Variants in ANO4 observed in about 807,000 individuals in gnomAD.
The protein encoded by ANO4 is anoctamin-4.
Under a neutral mutation model 141.9 loss-of-function variants are expected in ANO4, and 69 were observed. That is an observed-to-expected ratio of 0.49 (90% CI 0.40 to 0.59). The LOEUF is 0.59. Ranked by LOEUF, ANO4 falls within the 20% of genes least tolerant of loss-of-function variation. The pLI is 0.00. For synonymous variants in ANO4, 350 were observed against 394.3 expected (o/e 0.89, Z 1.33); for missense variants, 894 against 1,162.2 (o/e 0.77, Z 3.36).
intron 8 of ANO4, among the ~76,000 whole-genome samples, chr12:101,015,410 G>C (rs1407448391): frequency 1.4e-5 from 2 of 142,744 alleles, no homozygotes; most frequent in Non-Finnish European, 3.1e-5. Context: ...TCCTGTCTTG[G>C]AGATTTTTTT....
At chr12:100,727,174 T>C (rs2031170666) in intron 1 of ANO4, among the ~76,000 whole-genome samples, 1 of 152,232 alleles carries the variant, frequency 6.6e-6, no homozygotes, top group South Asian at 2.1e-4. Context: ...TCAGTAACTG[T>C]CCATTAAATT....
intron 3 of ANO4, among the ~76,000 whole-genome samples, chr12:100,740,577 G>T (rs557573086): frequency 6.6e-6 from 1 of 151,830 alleles, no homozygotes; most frequent in African/African-American, 2.4e-5. Context: ...GACTAAACTC[G>T]TGTATTCAAA....
chr12:100,991,513 T>TAAAAAAA (rs59975425), intron 8 of ANO4, among the ~76,000 whole-genome samples: 4 of 111,146 alleles, frequency 3.6e-5, no homozygotes, highest in African/African-American at 6.8e-5. Flanking sequence ...ATGAAAATAG[T>TAAAAAAA]AAAAAAAAAA....
rs142559008 is a variant in ANO4 at position 100,851,731 on chromosome 12, G to C, written c.-140-49915G>C. 6.6e-5 allele frequency among the ~76,000 whole-genome samples: 10 copies of C among 152,266 alleles called. No individual in the cohort carries two copies. The East Asian group carries it at 1.4e-3, about 21-fold the overall frequency. On this transcript the variant is annotated intron_variant, in intron 1 of 27. Coordinates refer to ENST00000392977, the MANE Select transcript of ANO4 (RefSeq NM_001286615.2). Reference sequence around the variant, plus strand: ...CAGAGAAGCAAAGTGAATCAAGTAGGGGGTATGTGAAGTGTGGGCTGTGAA... The same window carrying C: ...CAGAGAAGCAAAGTGAATCAAGTAGCGGGTATGTGAAGTGTGGGCTGTGAA...
intron 1 of ANO4, among the ~76,000 whole-genome samples, chr12:100,893,062 G>A (rs1337555219): frequency 6.6e-6 from 1 of 152,142 alleles, no homozygotes; most frequent in Non-Finnish European, 1.5e-5. Flanking sequence ...GTGTAGTTAT[G>A]TACCAGGTGC....
chr12:100,879,819 G>A (rs1436454533), intron 1 of ANO4, among the ~76,000 whole-genome samples: 2 of 152,128 alleles, frequency 1.3e-5, no homozygotes, highest in African/African-American at 4.8e-5. Flanking sequence ...CATTCCAGAG[G>A]AGTAGTTTTA....
intron 2 of ANO4, among the ~76,000 whole-genome samples, chr12:100,918,718 T>C (rs561015170): frequency 6.6e-6 from 1 of 152,332 alleles, no homozygotes; most frequent in African/African-American, 2.4e-5. Context: ...TTATTTACAG[T>C]ATATAATACT....
chr12:100,857,575 A>G (rs1336783966), intron 1 of ANO4, among the ~76,000 whole-genome samples: 1 of 152,134 alleles, frequency 6.6e-6, no homozygotes, highest in Non-Finnish European at 1.5e-5. Context: ...ACTCCAGGCC[A>G]TATTGCCTCC....
At chr12:100,897,506 G>A (rs984324917) in intron 1 of ANO4, among the ~76,000 whole-genome samples, 1 of 152,232 alleles carries the variant, frequency 6.6e-6, no homozygotes, top group African/African-American at 2.4e-5. Context: ...AGGGACTGAA[G>A]GGGCATCATC....
At chr12:100,968,839 G>A (rs966733595) in intron 5 of ANO4, among the ~76,000 whole-genome samples, 8 of 152,084 alleles carry the variant, frequency 5.3e-5, no homozygotes, top group African/African-American at 1.9e-4. Context: ...AGGACTGACT[G>A]TGTGTGTGTG....
chr12:101,055,780 A>G (rs549303561), intron 14 of ANO4, among the ~76,000 whole-genome samples: 1 of 152,296 alleles, frequency 6.6e-6, no homozygotes, highest in Admixed American at 6.5e-5. Flanking sequence ...TGTCTTCTAA[A>G]AAGCTTATCG....
intron 9 of ANO4, among the ~76,000 whole-genome samples, chr12:101,020,607 C>G (rs1355972178): frequency 6.6e-6 from 1 of 152,172 alleles, no homozygotes; most frequent in Non-Finnish European, 1.5e-5. Flanking sequence ...GAAATTTGAA[C>G]TGAGACCTGA....
chr12:100,865,360 C>G (rs2135905621), intron 1 of ANO4, among the ~76,000 whole-genome samples: 1 of 152,276 alleles, frequency 6.6e-6, no homozygotes, highest in Middle Eastern at 3.4e-3. Context: ...AAACTATCAT[C>G]AGAGTGAGCA....
intron 8 of ANO4, among the ~76,000 whole-genome samples, chr12:101,004,302 G>A (rs913718907): frequency 6.6e-6 from 1 of 152,070 alleles, no homozygotes; most frequent in African/African-American, 2.4e-5. Flanking sequence ...GAGGCCCTGT[G>A]GAGCTGAGCC....
chr12:100,782,263 A>G (rs1398634418), intron 3 of ANO4, among the ~76,000 whole-genome samples: 1 of 152,148 alleles, frequency 6.6e-6, no homozygotes, highest in Non-Finnish European at 1.5e-5. Context: ...ACAATCATCT[A>G]ATCTCTATCC....
intron 3 of ANO4, among the ~76,000 whole-genome samples, chr12:100,928,733 G>A (rs1195535763): frequency 6.6e-6 from 1 of 152,166 alleles, no homozygotes; most frequent in Non-Finnish European, 1.5e-5. Context: ...TCCCAGGGCT[G>A]TAAGAAGTGC....
At chr12:100,800,338 TC>T (rs1193100251) in intron 1 of ANO4, among the ~76,000 whole-genome samples, 3 of 152,190 alleles carry the variant, frequency 2.0e-5, no homozygotes, top group Admixed American at 1.3e-4. Context: ...GCCAGACACA[TC>T]CACTCCTCTT....
chr12:100,899,579 A>C (rs1447038179), intron 1 of ANO4, among the ~76,000 whole-genome samples: 1 of 152,196 alleles, frequency 6.6e-6, no homozygotes, highest in Non-Finnish European at 1.5e-5. Flanking sequence ...TTCCTGGCTT[A>C]ACAAGCCCTA....
Position 101,110,368 on chromosome 12 carries a change from A to G in ANO4, c.2150-36A>G, listed in dbSNP as rs371900426. On this transcript the variant is annotated intron_variant, in intron 22 of 27. Coordinates refer to ENST00000392977, the MANE Select transcript of ANO4 (RefSeq NM_001286615.2). ...CCTTTGAAAATAGTAATGGAAAACC[A>G]ATACTCTCTGCTCTTTTTCCTTTTT... 5.8e-6 allele frequency: 9 copies of G among 1,562,148 alleles called. No homozygotes were observed. The African/African-American group carries it at 1.1e-4, about 19-fold the overall frequency.
Sources: allele counts gnomAD v4.1 joint callset (sites outside exome capture counted in the v4.1 genomes callset), GRCh38; gene constraint gnomAD v4.1.1; transcripts MANE v1.5; gene names NCBI Gene and HGNC (gene_info 2026-07-23, HGNC 2026-07-21).